The following GRIN2D variants were observed in gnomAD, a reference collection of about 807,000 sequenced individuals.
GRIN2D encodes the protein glutamate receptor ionotropic, NMDA 2D.
In GRIN2D, 37 loss-of-function variants were observed where a neutral mutation model predicts 103.2. The observed-to-expected ratio is 0.36, with a 90% CI of 0.28 to 0.47. The LOEUF (loss-of-function observed/expected upper bound fraction) is 0.47, where lower values mean the gene tolerates loss of function less well. Among genes scored for constraint, GRIN2D ranks in the 20% least tolerant of loss-of-function variants. GRIN2D has a pLI of 1.00. For synonymous variants in GRIN2D, 845 were observed against 885.6 expected, an observed-to-expected ratio of 0.95 and a Z score of 0.81; for missense variants, 1,557 against 1,910.6, an observed-to-expected ratio of 0.81 and a Z score of 3.45.
intron 3 of GRIN2D, among the ~76,000 whole-genome samples, chr19:48,404,225 A>G (rs1268295685): frequency 2.1e-5 from 3 of 142,000 alleles, no homozygotes; most frequent in Non-Finnish European, 4.5e-5. Flanking sequence ...GGGCAACAAG[A>G]GTGAAATTCC....
intron 11 of GRIN2D, among the ~76,000 whole-genome samples, chr19:48,438,367 C>T (rs946950141): frequency 1.5e-5 from 2 of 131,974 alleles, no homozygotes; most frequent in African/African-American, 5.8e-5. Flanking sequence ...GGTGCGATCT[C>T]GGCTCACTGC....
chr19:48,440,843 C>A (rs937484826), intron 11 of GRIN2D, among the ~76,000 whole-genome samples: 4 of 152,036 alleles, frequency 2.6e-5, no homozygotes, highest in African/African-American at 4.8e-5. Flanking sequence ...CCTGCCACCA[C>A]ACCTGGCTAA....
intron 12 of GRIN2D, 36 bp downstream of exon 12, chr19:48,441,992 G>A (rs780350094): frequency 2.5e-6 from 4 of 1,576,404 alleles, no homozygotes; most frequent in Non-Finnish European, 3.4e-6. Flanking sequence ...CAGCGGAGAG[G>A]GGGAGGGCGA....
chr19:48,410,011 C>G (rs998990396), intron 4 of GRIN2D, among the ~76,000 whole-genome samples: 3 of 151,366 alleles, frequency 2.0e-5, no homozygotes, highest in African/African-American at 7.3e-5. Flanking sequence ...TCTAAAACTC[C>G]TGACCTCAAG....
At chr19:48,430,554 A>T (rs1971143486) in intron 11 of GRIN2D, among the ~76,000 whole-genome samples, 1 of 152,192 alleles carries the variant, frequency 6.6e-6, no homozygotes, top group Admixed American at 6.5e-5. Flanking sequence ...AGCTCAAGGG[A>T]TCTGCCCACC....
chr19:48,422,895 C>A (rs1432316048), intron 11 of GRIN2D, among the ~76,000 whole-genome samples: 1 of 152,020 alleles, frequency 6.6e-6, no homozygotes, highest in Non-Finnish European at 1.5e-5. Flanking sequence ...AGTTGGAGAC[C>A]ACCTGGCCAA....
chr19:48,396,732 C>T (rs977970064), intron 2 of GRIN2D, among the ~76,000 whole-genome samples: 2 of 151,894 alleles, frequency 1.3e-5, no homozygotes, highest in African/African-American at 4.8e-5. Flanking sequence ...GCAGAGGGGA[C>T]GGGCTGTGGC....
intron 4 of GRIN2D, among the ~76,000 whole-genome samples, chr19:48,406,397 TG>T (rs1970792927): frequency 6.6e-6 from 1 of 152,154 alleles, no homozygotes; most frequent in Admixed American, 6.5e-5. Flanking sequence ...TAGGAAGCTC[TG>T]GGAGTGGAAA....
intron 2 of GRIN2D, among the ~76,000 whole-genome samples, chr19:48,395,374 C>T (rs1970626770): frequency 6.6e-6 from 1 of 151,960 alleles, no homozygotes; most frequent in Admixed American, 6.6e-5. Context: ...CGCCAAGGAC[C>T]TTGAGGGCAT....
chr19:48,442,504 C>T lies in GRIN2D; in HGVS notation c.2674-96C>T. ...ATAGTGGGGAAGAGAGCGGGAAACA[C>T]AGGCGGGTAAATGGAGAGGAGAGAG... is the stretch of plus-strand genomic sequence containing the variant. On this transcript the variant is annotated intron_variant, in intron 13 of 13. Coordinates refer to ENST00000263269, the MANE Select transcript of GRIN2D (RefSeq NM_000836.4). The surrounding 1 kb of genome is among the most constrained non-coding windows in gnomAD (Gnocchi z 7.2). 1 of 1,496,866 alleles carries T rather than the reference C, an allele frequency of 6.7e-7. No homozygotes were observed. Among genetic ancestry groups the T allele is most frequent in the Non-Finnish European group, 8.9e-7 (1 of 1,124,634 alleles). 92.7% of individuals were successfully genotyped at this position (1,496,866 alleles called of 1,614,324 possible).
intron 3 of GRIN2D, among the ~76,000 whole-genome samples, chr19:48,401,490 AG>A (rs2147437722): frequency 6.6e-6 from 1 of 152,280 alleles, no homozygotes; most frequent in East Asian, 1.9e-4. Context: ...TGGAGGAGGT[AG>A]GGAAAAGTGT....
At chr19:48,403,125 G>A (rs564432444) in intron 3 of GRIN2D, among the ~76,000 whole-genome samples, 173 of 150,530 alleles carry the variant, frequency 1.1e-3, no homozygotes, top group Admixed American at 3.0e-3. Context: ...CTTGAACCCA[G>A]GAGGCAGAGG....
chr19:48,430,615 T>C (rs1313674056), intron 11 of GRIN2D, among the ~76,000 whole-genome samples: 3 of 152,138 alleles, frequency 2.0e-5, no homozygotes. Context: ...ATGCCTGGTC[T>C]ATTTTTCTTG....
chr19:48,423,171 A>G (rs1309870851), intron 11 of GRIN2D, among the ~76,000 whole-genome samples: 2 of 152,156 alleles, frequency 1.3e-5, no homozygotes, highest in African/African-American at 4.8e-5. Context: ...AGACTGTGCC[A>G]TTGCACTCCA....
At chr19:48,425,274 C>T (rs547375781) in intron 11 of GRIN2D, among the ~76,000 whole-genome samples, 1 of 152,288 alleles carries the variant, frequency 6.6e-6, no homozygotes, top group Non-Finnish European at 1.5e-5. Flanking sequence ...TGGAGTCTCG[C>T]TCTGTTGCCC....
rs1051856931 is a variant in GRIN2D at position 48,443,283 on chromosome 19, G to C, written c.3357G>C (p.Glu1119Asp). Residue 1119 changes from glutamate to aspartate, a missense_variant, in exon 14 of 14, where the codon GAG becomes GAC. Glu to Asp is a conservative substitution (Grantham distance 45). This residue lies in a region of GRIN2D where 632 missense variants were observed against 572.8 expected (regional missense o/e 1.10). Transcript: ENST00000263269. This position sits in a 1 kb window ranked among gnomAD's most constrained non-coding sequence, Gnocchi z 8.9. ...CGCCGTCGGACTCGGAGGACTCGGA[G>C]AGCCTGGGCGGCGCGTCGCTGGGCG... ...EPSPSDSEDS[E>D]SLGGASLGGL... is the part of the protein sequence containing the mutation. 8.1e-5 allele frequency: 125 copies of C among 1,538,734 alleles called. No individual in the cohort carries two copies. Among genetic ancestry groups the C allele is most frequent in the Non-Finnish European group, 1.1e-4 (124 of 1,152,134 alleles).
chr19:48,399,877 T>G (rs1970688128), intron 3 of GRIN2D, among the ~76,000 whole-genome samples: 1 of 110,892 alleles, frequency 9.0e-6, no homozygotes, highest in African/African-American at 3.5e-5. Context: ...GGCTAGCCAG[T>G]TGGGGGCGGG....
intron 11 of GRIN2D, among the ~76,000 whole-genome samples, chr19:48,435,932 GGGTAAAAAT>G (rs1250781713): frequency 6.6e-6 from 1 of 152,242 alleles, no homozygotes; most frequent in Non-Finnish European, 1.5e-5. Flanking sequence ...TACGCGCTAT[GGGTAAAAAT>G]AGGGCAGGGT....
At chr19:48,433,752 C>T (rs1252824457) in intron 11 of GRIN2D, among the ~76,000 whole-genome samples, 1 of 152,024 alleles carries the variant, frequency 6.6e-6, no homozygotes, top group Non-Finnish European at 1.5e-5. Flanking sequence ...TCTTTTGGAT[C>T]AATTAAAATA....
Sources: gnomAD v4.1 joint callset for allele counts (sites outside exome capture counted in the v4.1 genomes callset) on GRCh38, gnomAD v4.1.1 for gene constraint, gnomAD v4.1.1 regional missense constraint, Gnocchi (gnomAD v3.1) non-coding constraint, MANE v1.5 for transcripts, NCBI Gene and HGNC (gene_info 2026-07-23, HGNC 2026-07-21) for gene names.